VWA5B1: variants seen among roughly 807,000 people sequenced by gnomAD.
VWA5B1 encodes the protein von Willebrand factor A domain-containing protein 5B1.
Under a neutral mutation model 118.2 loss-of-function variants are expected in VWA5B1, and 115 were observed. The observed-to-expected ratio is 0.97, with a 90% CI of 0.84 to 1.14. The LOEUF (loss-of-function observed/expected upper bound fraction) is 1.14, where lower values mean the gene tolerates loss of function less well. Among genes scored for constraint, VWA5B1 ranks in the 50% most tolerant of loss-of-function variants. The pLI is 0.00. For synonymous variants in VWA5B1, 682 were observed against 658.4 expected, an observed-to-expected ratio of 1.04 and a Z score of -0.55; for missense variants, 1,596 against 1,603.8, an observed-to-expected ratio of 1.00 and a Z score of 0.08.
intron 21 of VWA5B1, 54 bp from the exon 22 acceptor site, chr1:20,353,703 G>A (rs2090173372): frequency 6.9e-7 from 1 of 1,440,864 alleles, no homozygotes; most frequent in African/African-American, 1.4e-5. Context: ...CATGGCCTAT[G>A]GCTCCCTGGG....
intron 14 of VWA5B1, among the ~76,000 whole-genome samples, chr1:20,339,933 A>C (rs1282920448): frequency 6.6e-6 from 1 of 152,186 alleles, no homozygotes; most frequent in African/African-American, 2.4e-5. Context: ...ATTTATTGAG[A>C]GCCAACTCTA....
At position 20,359,210 on chromosome 1, in the gene VWA5B1, G is replaced by A. The variant is rs775238348; in HGVS notation, c.*4947G>A. On this transcript the variant is annotated 3_prime_UTR_variant, in exon 22 of 22. Transcript: ENST00000289815. Reference sequence around the variant, plus strand: ...AGGTGGCTTTGGCTCAAGTGGCATGGCTGGTGCTTGTCCCCATCAGAGCCT... The same window carrying A: ...AGGTGGCTTTGGCTCAAGTGGCATGACTGGTGCTTGTCCCCATCAGAGCCT... Among the ~76,000 whole-genome samples the A allele has an allele frequency of 5.3e-5, 8 of 152,214 alleles. No homozygotes were observed. Among genetic ancestry groups the A allele is most frequent in the Non-Finnish European group, 8.8e-5 (6 of 68,044 alleles).
intron 12 of VWA5B1, among the ~76,000 whole-genome samples, chr1:20,335,370 GCAAAA>G (rs1452214707): frequency 5.3e-5 from 8 of 152,154 alleles, no homozygotes; most frequent in African/African-American, 1.9e-4. Flanking sequence ...TGTTTCAAGT[GCAAAA>G]TTCAAGATAC....
chr1:20,343,344 C>T lies in VWA5B1; in HGVS notation c.2577C>T (p.Ile859=). 1.3e-6 allele frequency: 2 copies of T among 1,541,770 alleles called. No homozygotes were observed. The highest frequency in any genetic ancestry group is 2.0e-5 in the Admixed American group (1 of 50,902). Residue 859 remains isoleucine (I), a synonymous_variant, in exon 16 of 22, where the codon ATC becomes ATT. Transcript: ENST00000289815. ...ETFHHLAARA[I]IRDFEQLAER... ...TCCACCACCTGGCGGCCCGCGCCATCATCCGCGACTTCGAGCAGCTGGCGG... is the reference window on the plus strand; with the variant it reads ...TCCACCACCTGGCGGCCCGCGCCATTATCCGCGACTTCGAGCAGCTGGCGG...
chr1:20,317,020 G>A (rs1298103499), intron 4 of VWA5B1, among the ~76,000 whole-genome samples: 1 of 151,906 alleles, frequency 6.6e-6, no homozygotes, highest in Non-Finnish European at 1.5e-5. Context: ...GCCGTGCGTA[G>A]TGGCGGGCAC....
intron 1 of VWA5B1, among the ~76,000 whole-genome samples, chr1:20,299,918 C>T (rs188701254): frequency 2.5e-4 from 38 of 152,292 alleles, no homozygotes; most frequent in Admixed American, 9.2e-4. Flanking sequence ...GGGGGTTTGC[C>T]GCAGTTGGTG....
At chr1:20,319,006 T>C (rs1232722033) in intron 6 of VWA5B1, among the ~76,000 whole-genome samples, 1 of 152,194 alleles carries the variant, frequency 6.6e-6, no homozygotes, top group African/African-American at 2.4e-5. Flanking sequence ...AGAGAGAGGA[T>C]CTTTGAAACC....
intron 4 of VWA5B1, among the ~76,000 whole-genome samples, chr1:20,315,507 A>C (rs573693322): frequency 1.3e-5 from 2 of 152,214 alleles, no homozygotes; most frequent in East Asian, 3.9e-4. Context: ...CTATGAAAAT[A>C]AGTGCTATAG....
chr1:20,334,626 C>A (rs2089663287), intron 12 of VWA5B1, among the ~76,000 whole-genome samples: 1 of 152,076 alleles, frequency 6.6e-6, no homozygotes, highest in South Asian at 2.1e-4. Flanking sequence ...GCCTGGCCAA[C>A]ATGGTGAAAC....
In VWA5B1 at chr1:20,321,113, CAAA is replaced by C. The variant is rs4062863; in HGVS notation, c.966+1621_966+1623del. ...ACAGAGATGCCAAGAGTAACAGAGG[CAAA>C]AAAAAAAAAAAAACACGAAAAGATG... On this transcript the variant is annotated intron_variant, in intron 7 of 21. Coordinates refer to ENST00000289815, the MANE Select transcript of VWA5B1 (RefSeq NM_001039500.3). Among the ~76,000 whole-genome samples, 13 of 94,178 alleles carry C rather than the reference CAAA, an allele frequency of 1.4e-4. 1 individual carries two copies. The highest frequency in any genetic ancestry group is 1.7e-4 in the African/African-American group (4 of 23,218). The allele number at this position is 94,178 out of a possible 152,430, so 61.8% of individuals were successfully genotyped here.
At chr1:20,300,245 T>G (rs1405209313) in intron 1 of VWA5B1, among the ~76,000 whole-genome samples, 14 of 152,146 alleles carry the variant, frequency 9.2e-5, no homozygotes, top group Non-Finnish European at 1.0e-4. Context: ...GAGAAGAGAC[T>G]AAGTAGTCAG....
intron 12 of VWA5B1, among the ~76,000 whole-genome samples, chr1:20,335,382 A>C (rs536571453): frequency 6.6e-6 from 1 of 152,222 alleles, no homozygotes; most frequent in Non-Finnish European, 1.5e-5. Context: ...AAAATTCAAG[A>C]TACTGATAAG....
chr1:20,332,291 C>T (rs748034807), intron 11 of VWA5B1, among the ~76,000 whole-genome samples: 3 of 151,892 alleles, frequency 2.0e-5, no homozygotes, highest in Non-Finnish European at 2.9e-5. Context: ...ACCAGCCTGG[C>T]CAATTTGGTG....
chr1:20,321,203 C>A (rs2089204157), intron 7 of VWA5B1, among the ~76,000 whole-genome samples: 1 of 150,334 alleles, frequency 6.7e-6, no homozygotes, highest in South Asian at 2.1e-4. Context: ...CTTATTTATT[C>A]AACAAATAAA....
intron 17 of VWA5B1, among the ~76,000 whole-genome samples, chr1:20,347,703 T>C (rs1354461139): frequency 2.0e-5 from 3 of 152,026 alleles, no homozygotes; most frequent in African/African-American, 7.3e-5. Context: ...GCTCAAGTGA[T>C]CCTCCCATCT....
Position 20,343,350 on chromosome 1 carries a change from C to T in VWA5B1, c.2583C>T (p.Arg861=). The change falls in exon 16 of 22, where the codon CGC becomes CGT. Residue 861 remains arginine, a synonymous_variant. Transcript: ENST00000289815. Reference sequence around the variant, plus strand: ...ACCTGGCGGCCCGCGCCATCATCCGCGACTTCGAGCAGCTGGCGGAGCGCG... The same window carrying T: ...ACCTGGCGGCCCGCGCCATCATCCGTGACTTCGAGCAGCTGGCGGAGCGCG... ...FHHLAARAII[R]DFEQLAEREG... 6.5e-7 allele frequency: 1 copy of T among 1,540,502 alleles called. No individual in the cohort carries two copies. The highest frequency in any genetic ancestry group is 8.7e-7 in the Non-Finnish European group (1 of 1,144,540).
Position 20,343,328 on chromosome 1 carries a change from T to C in VWA5B1, c.2561T>C (p.Leu854Pro), listed in dbSNP as rs1017833997. The change falls in exon 16 of 22, where the codon CTG becomes CCG. Residue 854 changes from leucine (L) to proline (P), a missense_variant. Leu to Pro is a moderately conservative substitution (Grantham distance 98, BLOSUM62 -3). Transcript: ENST00000289815. ...ADLWSETFHH[L>P]AARAIIRDFE... ...CTATGGAGCGAGACCTTCCACCACCTGGCGGCCCGCGCCATCATCCGCGAC... is the reference window on the plus strand; with the variant it reads ...CTATGGAGCGAGACCTTCCACCACCCGGCGGCCCGCGCCATCATCCGCGAC... The C allele has an allele frequency of 5.8e-5, 90 of 1,543,558 alleles. No individual in the cohort carries two copies. The highest frequency in any genetic ancestry group is 7.8e-5 in the Non-Finnish European group (89 of 1,145,434).
intron 8 of VWA5B1, among the ~76,000 whole-genome samples, chr1:20,324,011 C>T (rs1030245332): frequency 1.8e-4 from 27 of 152,328 alleles, no homozygotes; most frequent in Admixed American, 6.5e-4. Flanking sequence ...CACATGGCCA[C>T]TGTGGTCTAA....
chr1:20,319,877 G>A (rs1223713693), intron 7 of VWA5B1, among the ~76,000 whole-genome samples: 1 of 152,170 alleles, frequency 6.6e-6, no homozygotes, highest in Non-Finnish European at 1.5e-5. Context: ...TTACCCACCA[G>A]CTGGGTAGCC....
Sources: gnomAD v4.1 joint callset for allele counts (sites outside exome capture counted in the v4.1 genomes callset) on GRCh38, gnomAD v4.1.1 for gene constraint, MANE v1.5 for transcripts, NCBI Gene and HGNC (gene_info 2026-07-23, HGNC 2026-07-21) for gene names.